Variants in ANKFN1 observed in about 807,000 individuals in gnomAD.
ANKFN1 encodes the protein ankyrin repeat and fibronectin type III domain containing 1, also known as ankyrin repeat and fibronectin type-III domain-containing protein 1.
Under a neutral mutation model 108.7 loss-of-function variants are expected in ANKFN1, and 74 were observed. The observed-to-expected ratio is 0.68, with a 90% confidence interval of 0.56 to 0.83. ANKFN1 has a LOEUF of 0.83. ANKFN1 is among the 40% of genes least tolerant of loss of function. The pLI, the probability that ANKFN1 is intolerant of heterozygous loss-of-function variation, is 0.00. For missense variants in ANKFN1, 1,505 were observed against 1,382.3 expected (o/e 1.09, Z -1.41); for synonymous variants, 547 against 516.2 (o/e 1.06, Z -0.81).
chr17:56,054,682 C>G (rs546974651), intron 4 of ANKFN1, among the ~76,000 whole-genome samples: 1 of 151,914 alleles, frequency 6.6e-6, no homozygotes, highest in African/African-American at 2.4e-5. Flanking sequence ...GAGTCTGAGG[C>G]GGGTGGATCA....
At chr17:56,090,806 C>T (rs1032380369) in intron 4 of ANKFN1, among the ~76,000 whole-genome samples, 1 of 151,084 alleles carries the variant, frequency 6.6e-6, no homozygotes, top group African/African-American at 2.4e-5. Flanking sequence ...TTGGCTCTCC[C>T]TATGTTGCCT....
chr17:56,482,269 T>G (rs2145374897), intron 17 of ANKFN1, 87 bp from the exon 18 acceptor site: 4,206 of 1,131,576 alleles, frequency 3.7e-3, no homozygotes, highest in Non-Finnish European at 4.7e-3. Context: ...TGTAATTTTG[T>G]GAGATGTTTT....
intron 8 of ANKFN1, among the ~76,000 whole-genome samples, chr17:56,377,038 A>G (rs943314250): frequency 6.6e-6 from 1 of 152,212 alleles, no homozygotes. Flanking sequence ...AACAATTGAG[A>G]AATCTACAGA....
intron 4 of ANKFN1, among the ~76,000 whole-genome samples, chr17:56,048,315 G>C (rs529461608): frequency 3.6e-4 from 55 of 152,014 alleles, no homozygotes; most frequent in African/African-American, 1.2e-3. Flanking sequence ...CTTCCTGGGG[G>C]GATGAATTCT....
intron 3 of ANKFN1, among the ~76,000 whole-genome samples, chr17:56,301,137 G>A (rs911549602): frequency 6.6e-6 from 1 of 152,266 alleles, no homozygotes. Flanking sequence ...TTCACACAAT[G>A]TCCCAGATAT....
intron 1 of ANKFN1, among the ~76,000 whole-genome samples, chr17:56,201,691 A>G (rs751769484): frequency 2.6e-5 from 4 of 151,992 alleles, no homozygotes; most frequent in Non-Finnish European, 4.4e-5. Flanking sequence ...AAAATTAGCT[A>G]TTCAGTATAT....
chr17:56,336,043 C>A (rs555418664), intron 4 of ANKFN1, among the ~76,000 whole-genome samples: 32 of 152,276 alleles, frequency 2.1e-4, no homozygotes, highest in South Asian at 2.1e-4. Flanking sequence ...GTTGAACCAG[C>A]CTTGCATCCC....
At chr17:56,396,648 C>A (rs915504830) in intron 8 of ANKFN1, among the ~76,000 whole-genome samples, 24 of 151,960 alleles carry the variant, frequency 1.6e-4, no homozygotes, top group Admixed American at 1.2e-3. Context: ...AAGCCCATAC[C>A]ATGTGCTAGC....
chr17:56,318,625 G>A (rs1196470151), intron 3 of ANKFN1, among the ~76,000 whole-genome samples: 3 of 152,128 alleles, frequency 2.0e-5, no homozygotes, highest in Non-Finnish European at 4.4e-5. Flanking sequence ...AATACTACAA[G>A]GAGAGAGGAG....
rs528034993 is a variant in ANKFN1 at position 56,469,972 on chromosome 17, TG to T, written c.1773+3402del. On this transcript the variant is annotated intron_variant, in intron 15 of 20. Coordinates refer to ENST00000682825, the MANE Select transcript of ANKFN1 (RefSeq NM_001370326.1). ...CCTACCAACAGGCCCCAATGTAGGT[TG>T]TTCCCCTCCCTGTGTCCATGTGTTC... Among the ~76,000 whole-genome samples the T allele has an allele frequency of 2.3e-3, 349 of 152,152 alleles. 2 individuals carry two copies. Among genetic ancestry groups the T allele is most frequent in the African/African-American group, 7.6e-3 (317 of 41,516 alleles).
At chr17:56,249,116 CT>C (rs2043179981) in intron 3 of ANKFN1, among the ~76,000 whole-genome samples, 1 of 152,086 alleles carries the variant, frequency 6.6e-6, no homozygotes, top group Non-Finnish European at 1.5e-5. Context: ...TCATCCTAAC[CT>C]TTGAAATTTT....
chr17:56,094,474 C>CTTTTTTTTTTTTTTT (rs60149030), intron 4 of ANKFN1, among the ~76,000 whole-genome samples: 1 of 75,974 alleles, frequency 1.3e-5, no homozygotes, highest in Non-Finnish European at 2.3e-5. Context: ...GTTGTTTCTT[C>CTTTTTTTTTTTTTTT]TTTTTTTTTT....
At position 56,442,721 on chromosome 17, in the gene ANKFN1, G is replaced by A. The variant is rs1168178369; in HGVS notation, c.1009-122G>A. 1.4e-5 allele frequency: 11 copies of A among 799,940 alleles called. No individual in the cohort carries two copies. The East Asian group carries it at 2.8e-4, about 20-fold the overall frequency. 49.6% of individuals were successfully genotyped at this position (799,940 alleles called of 1,614,324 possible). On this transcript the variant is annotated intron_variant, in intron 9 of 20. Coordinates refer to ENST00000682825, the MANE Select transcript of ANKFN1 (RefSeq NM_001370326.1). ...GTTGCCCATGAACTCTGTTGCATGGGCAACAGAGTTCCAAAGAGATGAAGG... is the reference window on the plus strand; with the variant it reads ...GTTGCCCATGAACTCTGTTGCATGGACAACAGAGTTCCAAAGAGATGAAGG...
intron 1 of ANKFN1, among the ~76,000 whole-genome samples, chr17:56,155,227 T>A (rs1213336546): frequency 2.6e-5 from 4 of 152,124 alleles, no homozygotes; most frequent in African/African-American, 9.7e-5. Context: ...TTATTCAGAG[T>A]CATGAGACTT....
chr17:56,169,845 G>A (rs991503152), intron 1 of ANKFN1, among the ~76,000 whole-genome samples: 8 of 152,116 alleles, frequency 5.3e-5, no homozygotes, highest in Admixed American at 5.2e-4. Context: ...TCCTGCTGGG[G>A]AGGCAGCAGG....
intron 4 of ANKFN1, among the ~76,000 whole-genome samples, chr17:56,102,699 G>T (rs556308801): frequency 6.6e-6 from 1 of 151,934 alleles, no homozygotes; most frequent in African/African-American, 2.4e-5. Flanking sequence ...ACTGAGGTGT[G>T]CATGCAGATT....
intron 3 of ANKFN1, among the ~76,000 whole-genome samples, chr17:56,249,594 T>C (rs2043191328): frequency 6.6e-6 from 1 of 152,008 alleles, no homozygotes; most frequent in Admixed American, 6.6e-5. Context: ...ATTTAAAAAA[T>C]AAAATAAAGG....
intron 8 of ANKFN1, among the ~76,000 whole-genome samples, chr17:56,375,084 A>T (rs11871988): frequency 1.3e-5 from 2 of 151,976 alleles, no homozygotes; most frequent in Admixed American, 6.6e-5. Flanking sequence ...CATACTAAGT[A>T]GGGGTTAAAA....
intron 10 of ANKFN1, among the ~76,000 whole-genome samples, chr17:56,447,505 T>A (rs2049337757): frequency 6.6e-6 from 1 of 152,214 alleles, no homozygotes; most frequent in Non-Finnish European, 1.5e-5. Context: ...TTGCCCTGGC[T>A]GTGCCACTAA....
Sources: gnomAD v4.1 joint callset for allele counts (sites outside exome capture counted in the v4.1 genomes callset) on GRCh38, gnomAD v4.1.1 for gene constraint, MANE v1.5 for transcripts, NCBI Gene and HGNC (gene_info 2026-07-23, HGNC 2026-07-21) for gene names.